Variants in SAMD12 observed in about 807,000 individuals in gnomAD.
The protein encoded by SAMD12 is sterile alpha motif domain containing 12.
A neutral mutation model predicts 15.0 loss-of-function variants in SAMD12; 9 were observed. That is an observed-to-expected ratio of 0.60 (90% CI 0.36 to 1.05). SAMD12 has a LOEUF of 1.05. SAMD12 is among the 50% of genes least tolerant of loss of function. The pLI is 0.01. For synonymous variants in SAMD12, 86 were observed against 90.1 expected, an observed-to-expected ratio of 0.96 and a Z score of 0.25; for missense variants, 230 against 234.2, an observed-to-expected ratio of 0.98 and a Z score of 0.12.
chr8:118,226,681 G>C (rs1314991546), intron 4 of SAMD12, among the ~76,000 whole-genome samples: 1 of 152,172 alleles, frequency 6.6e-6, no homozygotes, highest in Non-Finnish European at 1.5e-5. Context: ...GTAATAATGA[G>C]GAGGTAGTAT....
chr8:118,351,521 G>A (rs1817964849), intron 4 of SAMD12, among the ~76,000 whole-genome samples: 2 of 152,102 alleles, frequency 1.3e-5, no homozygotes, highest in South Asian at 2.1e-4. Flanking sequence ...ACCTCATTGT[G>A]CTGTGGTCTG....
chr8:118,238,797 T>A (rs978349598), intron 4 of SAMD12, among the ~76,000 whole-genome samples: 1 of 152,166 alleles, frequency 6.6e-6, no homozygotes, highest in African/African-American at 2.4e-5. Flanking sequence ...GTTTGGTAAC[T>A]CTTCCAAGGC....
chr8:118,199,385 C>A (rs1819650153), intron 4 of SAMD12, among the ~76,000 whole-genome samples: 1 of 152,090 alleles, frequency 6.6e-6, no homozygotes, highest in Admixed American at 6.5e-5. Flanking sequence ...TCCAGGTTGA[C>A]CTGCTAGGAG....
At chr8:118,501,783 A>G (rs1394024971) in intron 2 of SAMD12, among the ~76,000 whole-genome samples, 1 of 152,106 alleles carries the variant, frequency 6.6e-6, no homozygotes, top group Non-Finnish European at 1.5e-5. Flanking sequence ...TTGGGAAGCC[A>G]AGGCAGGCGG....
chr8:118,216,386 G>A (rs924824362), intron 4 of SAMD12, among the ~76,000 whole-genome samples: 75 of 150,972 alleles, frequency 5.0e-4, no homozygotes, highest in African/African-American at 1.7e-3. Context: ...AGTAGGTTGC[G>A]AAAATTTTCT....
chr8:118,460,249 T>G (rs1475886426), intron 2 of SAMD12, among the ~76,000 whole-genome samples: 1 of 152,196 alleles, frequency 6.6e-6, no homozygotes, highest in Non-Finnish European at 1.5e-5. Context: ...GGCATTGTAC[T>G]GTTTGATGGG....
intron 3 of SAMD12, among the ~76,000 whole-genome samples, chr8:118,433,885 G>A (rs1822495944): frequency 6.6e-6 from 1 of 152,124 alleles, no homozygotes; most frequent in African/African-American, 2.4e-5. Context: ...TGGTTATACT[G>A]GATTCTACTA....
chr8:118,349,726 G>C lies in SAMD12; in HGVS notation c.433+29834C>G, dbSNP rs1586579702. On this transcript the variant is annotated intron_variant, in intron 4 of 4. Transcript: ENST00000409003. The stretch of plus-strand genomic sequence containing the variant: ...CTTCTACATTGAATGTCCAACCTTT[G>C]TCTCTTTACCTAGCAACATCAGATG... Among the ~76,000 whole-genome samples the C allele has an allele frequency of 2.0e-5, 3 of 152,282 alleles. No individual in the cohort carries two copies. The East Asian group carries it at 5.8e-4, about 29-fold the overall frequency.
chr8:118,394,041 G>A (rs1820426935), intron 3 of SAMD12, among the ~76,000 whole-genome samples: 1 of 151,928 alleles, frequency 6.6e-6, no homozygotes, highest in South Asian at 2.1e-4. Flanking sequence ...AAAATTTGAG[G>A]AAACCAAGGC....
At chr8:118,537,800 C>T (rs964233808) in intron 2 of SAMD12, among the ~76,000 whole-genome samples, 2 of 152,160 alleles carry the variant, frequency 1.3e-5, no homozygotes, top group African/African-American at 4.8e-5. Context: ...CAGGATTGGT[C>T]CCTGGTTCCT....
chr8:118,320,674 G>GT (rs537054302), intron 4 of SAMD12, among the ~76,000 whole-genome samples: 3 of 148,210 alleles, frequency 2.0e-5, no homozygotes, highest in South Asian at 4.3e-4. Flanking sequence ...TCGTGGGGTG[G>GT]GGGGGGTGGG....
chr8:118,439,550 T>C (rs1046193236), intron 3 of SAMD12, among the ~76,000 whole-genome samples: 2 of 152,220 alleles, frequency 1.3e-5, no homozygotes, highest in African/African-American at 2.4e-5. Context: ...CCTTTCTCTA[T>C]GATTGGCATG....
chr8:118,617,321 T>G (rs1563614084), intron 1 of SAMD12, among the ~76,000 whole-genome samples: 1 of 152,250 alleles, frequency 6.6e-6, no homozygotes, highest in Non-Finnish European at 1.5e-5. Context: ...TTTCCCATTT[T>G]CCCAGTCACC....
At chr8:118,317,688 G>A (rs982825324) in intron 4 of SAMD12, among the ~76,000 whole-genome samples, 1 of 152,144 alleles carries the variant, frequency 6.6e-6, no homozygotes, top group Admixed American at 6.6e-5. Context: ...CTGGGTGCTT[G>A]TTGCATAGGT....
chr8:118,574,344 G>C (rs892281143), intron 2 of SAMD12, among the ~76,000 whole-genome samples: 1 of 152,158 alleles, frequency 6.6e-6, no homozygotes, highest in Admixed American at 6.5e-5. Context: ...TAACTAAGTG[G>C]CTCCAAGCAC....
intron 4 of SAMD12, among the ~76,000 whole-genome samples, chr8:118,297,506 C>T (rs28365509): frequency 0.11 from 17,453 of 152,072 alleles, 3,113 homozygotes; most frequent in African/African-American, 0.38. Flanking sequence ...TTTGGTATGT[C>T]CATTTAAAAA....
chr8:118,284,032 G>A (rs759964676), intron 4 of SAMD12, among the ~76,000 whole-genome samples: 6 of 152,268 alleles, frequency 3.9e-5, no homozygotes, highest in East Asian at 1.9e-4. Flanking sequence ...AGATGACTCT[G>A]AGTCATAGCT....
chr8:118,347,967 C>G (rs2130580664), intron 4 of SAMD12, among the ~76,000 whole-genome samples: 1 of 152,356 alleles, frequency 6.6e-6, no homozygotes, highest in African/African-American at 2.4e-5. Context: ...TGCCAGTGAT[C>G]AGCTGTATAG....
chr8:118,568,755 G>A (rs1297301234), intron 2 of SAMD12, among the ~76,000 whole-genome samples: 1 of 152,170 alleles, frequency 6.6e-6, no homozygotes, highest in East Asian at 1.9e-4. Context: ...AAAGCTTATT[G>A]ACTTGGGGGG....
Sources: gnomAD v4.1 joint callset for allele counts (sites outside exome capture counted in the v4.1 genomes callset) on GRCh38, gnomAD v4.1.1 for gene constraint, MANE v1.5 for transcripts, NCBI Gene and HGNC (gene_info 2026-07-23, HGNC 2026-07-21) for gene names.